IL16: variants seen among roughly 807,000 people sequenced by gnomAD.
IL16 encodes pro-interleukin-16.
Under a neutral mutation model 110.1 loss-of-function variants are expected in IL16, and 67 were observed. That is an observed-to-expected ratio of 0.61 (90% CI 0.50 to 0.75). IL16 has a LOEUF of 0.75. IL16 is among the 30% of genes least tolerant of loss of function. The pLI, the probability that IL16 is intolerant of heterozygous loss-of-function variation, is 0.00. For missense variants in IL16, 1,545 were observed against 1,655.0 expected, an observed-to-expected ratio of 0.93 and a Z score of 1.15; for synonymous variants, 689 against 662.9, an observed-to-expected ratio of 1.04 and a Z score of -0.61.
intron 5 of IL16, among the ~76,000 whole-genome samples, chr15:81,271,132 T>C (rs1241826447): frequency 1.3e-5 from 2 of 152,106 alleles, no homozygotes; most frequent in African/African-American, 4.8e-5. Context: ...TTATCTCCCT[T>C]TTATAGACGT....
intron 16 of IL16, 28 bp from the exon 17 acceptor site, chr15:81,305,880 T>TCCTGACTTCC: frequency 6.2e-7 from 1 of 1,609,272 alleles, no homozygotes; most frequent in East Asian, 2.2e-5. Flanking sequence ...GTGTGATTTC[T>TCCTGACTTCC]GGTCCTGACT....
At chr15:81,230,196 C>T (rs115970734) in intron 2 of IL16, among the ~76,000 whole-genome samples, 2,182 of 152,156 alleles carry the variant, frequency 0.014, 60 homozygotes, top group African/African-American at 0.051. Flanking sequence ...GTCAGGCTTC[C>T]TAAGTTAATA....
chr15:81,307,092 C>T (rs1156432412), intron 18 of IL16, among the ~76,000 whole-genome samples: 1 of 152,106 alleles, frequency 6.6e-6, no homozygotes, highest in Non-Finnish European at 1.5e-5. Flanking sequence ...GGAGTACAAA[C>T]CAGTCTGATA....
chr15:81,183,079 G>A (rs774979127), intron 1 of IL16, among the ~76,000 whole-genome samples: 5 of 152,130 alleles, frequency 3.3e-5, no homozygotes, highest in Non-Finnish European at 7.4e-5. Context: ...GTGTGCACAC[G>A]TGTGCTACAA....
At position 81,184,195 on chromosome 15, in the gene IL16, C is replaced by T. The variant is rs570504496; in HGVS notation, c.40+1299C>T. Among the ~76,000 whole-genome samples the T allele has an allele frequency of 1.8e-4, 28 of 152,312 alleles. No homozygotes were observed. The South Asian group carries it at 5.6e-3, about 30-fold the overall frequency. ...GACTTGACCTGGTGTTTACTAGGTG[C>T]TCCGTGTTTGGTGAAACCATTTTAT... On this transcript the variant is annotated intron_variant, in intron 1 of 18. Transcript: ENST00000302987.
rs976870794 is a variant in IL16, at chr15:81,280,097, C to T, written c.1081+323C>T. Among the ~76,000 whole-genome samples, 13 of 152,186 alleles carry T rather than the reference C, an allele frequency of 8.5e-5. 1 individual carries two copies. Among genetic ancestry groups the T allele is most frequent in the Non-Finnish European group, 1.3e-4 (9 of 68,028 alleles). On this transcript the variant is annotated intron_variant, in intron 8 of 18. Coordinates refer to ENST00000683961, the MANE Select transcript of IL16 (RefSeq NM_172217.5). ...TAGCTCTGCAGTAAATATGCTAAGA[C>T]GCCCTGGGCAGGCCACCTTCCCTTC...
chr15:81,275,331 G>A (rs1338333895), intron 6 of IL16, among the ~76,000 whole-genome samples: 6 of 128,610 alleles, frequency 4.7e-5, no homozygotes, highest in Non-Finnish European at 9.6e-5. Context: ...AAAAACAGCT[G>A]AAGTTACCAA....
At position 81,278,936 on chromosome 15, in the gene IL16, G is replaced by C. The variant is rs373798779; in HGVS notation, c.864+46G>C. 54 of 1,293,836 alleles carry C rather than the reference G, an allele frequency of 4.2e-5. No individual in the cohort carries two copies. In the African/African-American group the frequency reaches 6.8e-4, roughly 16 times the overall value. 80.1% of individuals were successfully genotyped at this position (1,293,836 alleles called of 1,614,324 possible). On this transcript the variant is annotated intron_variant, in intron 7 of 18. Transcript: ENST00000683961. ...CGTGACCAAACTCTGGGGCCTTCAG[G>C]CAAAGAAACCAAGCTCTCAGCATCC...
chr15:81,232,269 A>G (rs1567009503), intron 2 of IL16, among the ~76,000 whole-genome samples: 1 of 151,864 alleles, frequency 6.6e-6, no homozygotes, highest in East Asian at 1.9e-4. Flanking sequence ...AGCATATCCA[A>G]TCGTTACCTA....
In IL16 at chr15:81,279,680, G is replaced by A. The variant is rs1899081777; in HGVS notation, c.987G>A (p.Lys329=). 2 of 1,614,266 alleles carry A rather than the reference G, an allele frequency of 1.2e-6. No individual in the cohort carries two copies. The change falls in exon 8 of 19, where the codon AAG becomes AAA. Residue 329 remains lysine (K), a synonymous_variant. Transcript: ENST00000683961. The stretch of plus-strand genomic sequence containing the variant: ...TGAGCTCCAGCACTTGTATCACCAA[G>A]GACAGCAGCTCCTTCGCCTTGGAAA... ...RSLSSSTCIT[K]DSSSFALESP...
rs555572567 is a variant in IL16 at position 81,300,132 on chromosome 15, C to A, written c.2806C>A (p.Pro936Thr). The A allele has an allele frequency of 5.3e-5, 85 of 1,606,930 alleles. No homozygotes were observed. Among genetic ancestry groups the A allele is most frequent in the South Asian group, 2.4e-4 (22 of 90,420 alleles). ...GCAGCCCAATCAGAAAACTCTCCCC[C>A]CTGGCCCGGACCCGCTCCTAAGGCT... ...GRQPNQKTLP[P>T]GPDPLLRLLS... Residue 936 changes from proline to threonine, a missense_variant, in exon 14 of 19, where the codon CCT (proline) becomes ACT (threonine). Coordinates refer to ENST00000683961, the MANE Select transcript of IL16 (RefSeq NM_172217.5).
At chr15:81,215,342 C>T (rs1896386500) in intron 1 of IL16, among the ~76,000 whole-genome samples, 1 of 152,118 alleles carries the variant, frequency 6.6e-6, no homozygotes. Context: ...GATCTTTATG[C>T]TTGGGTGAAT....
chr15:81,187,636 C>T (rs1332291634), intron 1 of IL16, among the ~76,000 whole-genome samples: 1 of 152,214 alleles, frequency 6.6e-6, no homozygotes, highest in Non-Finnish European at 1.5e-5. Flanking sequence ...CCATAAAGCT[C>T]TTTTGTGCCC....
chr15:81,289,049 G>A (rs1028861414), intron 10 of IL16, among the ~76,000 whole-genome samples: 1 of 152,098 alleles, frequency 6.6e-6, no homozygotes, highest in Non-Finnish European at 1.5e-5. Flanking sequence ...TTTTTGAGGA[G>A]CCTTCAAACT....
chr15:81,290,118 C>CA (rs1438981097), intron 10 of IL16: 2 of 368,868 alleles, frequency 5.4e-6, no homozygotes. Flanking sequence ...GATGTCATGA[C>CA]AGCATTGCCA....
chr15:81,264,150 C>T (rs1898274460), intron 3 of IL16, among the ~76,000 whole-genome samples: 1 of 152,176 alleles, frequency 6.6e-6, no homozygotes, highest in Non-Finnish European at 1.5e-5. Context: ...CTCTCACCCC[C>T]CTTTCTTGAT....
chr15:81,248,458 C>G (rs1897643600), intron 2 of IL16, among the ~76,000 whole-genome samples: 3 of 150,680 alleles, frequency 2.0e-5, no homozygotes, highest in African/African-American at 4.9e-5. Context: ...ATCTTTGCTT[C>G]TTAGATGAAT....
At chr15:81,286,718 G>C (rs1899467337) in intron 10 of IL16, among the ~76,000 whole-genome samples, 1 of 152,144 alleles carries the variant, frequency 6.6e-6, no homozygotes, top group Non-Finnish European at 1.5e-5. Flanking sequence ...GTGAGAGCCT[G>C]AACTACACAG....
chr15:81,188,076 A>C (rs1895443170), intron 1 of IL16, among the ~76,000 whole-genome samples: 1 of 152,056 alleles, frequency 6.6e-6, no homozygotes, highest in Non-Finnish European at 1.5e-5. Context: ...GCCCCCATGG[A>C]CCCTAAGGCC....
Sources: allele counts gnomAD v4.1 joint callset (sites outside exome capture counted in the v4.1 genomes callset), GRCh38; gene constraint gnomAD v4.1.1; transcripts MANE v1.5; gene names NCBI Gene and HGNC (gene_info 2026-07-23, HGNC 2026-07-21).